The following STXBP2 variants were observed in gnomAD, a reference collection of about 807,000 sequenced individuals.
The protein encoded by STXBP2 is syntaxin-binding protein 2.
In STXBP2, 47 loss-of-function variants were observed where a neutral mutation model predicts 72.2. The observed-to-expected ratio is 0.65, with a 90% confidence interval of 0.51 to 0.83. STXBP2 has a LOEUF of 0.83. STXBP2 is among the 40% of genes least tolerant of loss of function. The pLI is 0.00. For missense variants in STXBP2, 702 were observed against 807.6 expected (o/e 0.87, Z 1.58); for synonymous variants, 367 against 338.7 (o/e 1.08, Z -0.92).
upstream of STXBP2, chr19:7,633,090 G>C: frequency 1.7e-6 from 2 of 1,195,952 alleles, no homozygotes; most frequent in Non-Finnish European, 2.3e-6. Context: ...AGGCTCCGAT[G>C]CGTGTCCCGC....
At chr19:7,630,053 T>A in the STXBP2 span, 2 of 573,964 alleles carry the variant, frequency 3.5e-6, no homozygotes, top group African/African-American at 4.1e-5. Context: ...GGATTTGGGC[T>A]TCTGGGTTTG....
chr19:7,631,208 CAAA>C, the STXBP2 span: 2 of 1,371,290 alleles, frequency 1.5e-6, no homozygotes, highest in Non-Finnish European at 1.9e-6. Flanking sequence ...GACTTTGTCT[CAAA>C]AAGAAACATT....
chr19:7,640,525 CGTGTGTATGT>C (rs1568465745), intron 4 of STXBP2, 196 bp from the exon 5 acceptor site: 3 of 671,616 alleles, frequency 4.5e-6, no homozygotes, highest in South Asian at 3.1e-5. Context: ...TGTGTGCATG[CGTGTGTATGT>C]GTGTGTGCGT....
chr19:7,641,497 G>C (rs533428363), intron 6 of STXBP2, among the ~76,000 whole-genome samples: 4 of 152,196 alleles, frequency 2.6e-5, no homozygotes, highest in Non-Finnish European at 5.9e-5. Flanking sequence ...GGGTTGTCCA[G>C]CCAGCTTAAG....
rs1220662685 is a variant in STXBP2 at position 7,645,100 on chromosome 19, A to G, written c.1247-97A>G. On this transcript the variant is annotated intron_variant, in intron 14 of 18. Transcript: ENST00000221283. ...GCCCTCCCCACTGCAAGGTTCTCTC[A>G]TCAGAGTCCTGGGAGCTCCTCAGCC... 3.4e-6 allele frequency: 5 copies of G among 1,477,360 alleles called. No homozygotes were observed. In the East Asian group the frequency reaches 1.2e-4, roughly 36 times the overall value. The allele number at this position is 1,477,360 out of a possible 1,614,324, so 91.5% of individuals were successfully genotyped here. A position where few individuals can be genotyped will look rare whatever the true frequency, so the allele number is the denominator to read the frequency against.
rs2031579417 is a variant in STXBP2, at chr19:7,637,230, C to G, written c.37+44C>G. The G allele has an allele frequency of 4.5e-6, 5 of 1,105,066 alleles. No individual in the cohort carries two copies. In the South Asian group the frequency reaches 1.3e-4, roughly 29 times the overall value. 68.5% of individuals were successfully genotyped at this position (1,105,066 alleles called of 1,614,324 possible). A position where few individuals can be genotyped will look rare whatever the true frequency, so the allele number is the denominator to read the frequency against. On this transcript the variant is annotated intron_variant, in intron 1 of 18. Transcript: ENST00000221283. ...CCGGGCTCTGGCGTCCGGTGTGGGACGGGGGTCGGGGACGCACGGGCTCTG... is the reference window on the plus strand; with the variant it reads ...CCGGGCTCTGGCGTCCGGTGTGGGAGGGGGGTCGGGGACGCACGGGCTCTG...
chr19:7,632,920 G>A (rs374588601), upstream of STXBP2: 38 of 1,499,762 alleles, frequency 2.5e-5, no homozygotes, highest in Non-Finnish European at 2.9e-5. The surrounding 1 kb of genome is among the most constrained non-coding windows in gnomAD (Gnocchi z 5.2). Context: ...CCCTGACCCC[G>A]GGGCCTGCCG....
chr19:7,636,089 T>G (rs931487812), upstream of STXBP2, among the ~76,000 whole-genome samples: 1 of 152,164 alleles, frequency 6.6e-6, no homozygotes, highest in African/African-American at 2.4e-5. Context: ...TGGCACTTGT[T>G]GTCACATTAG....
upstream of STXBP2, chr19:7,632,068 A>G (rs1363308487): frequency 1.1e-5 from 6 of 546,130 alleles, no homozygotes; most frequent in East Asian, 6.0e-5. The surrounding 1 kb of genome is among the most constrained non-coding windows in gnomAD (Gnocchi z 5.2). Context: ...ACAGATGTAT[A>G]TATCCTATGT....
At chr19:7,646,493 G>T in intron 16 of STXBP2, 149 bp downstream of exon 16, 3 of 793,514 alleles carry the variant, frequency 3.8e-6, no homozygotes, top group Admixed American at 2.0e-5. Flanking sequence ...GCTGAGGGGG[G>T]CACGCCAAGC....
At chr19:7,646,670 C>T in intron 16 of STXBP2, 1 of 457,052 alleles carries the variant, frequency 2.2e-6, no homozygotes, top group Non-Finnish European at 4.0e-6. Flanking sequence ...CAGCACCATC[C>T]AATGGCAATG....
the STXBP2 span, chr19:7,631,460 T>C: frequency 3.9e-6 from 6 of 1,533,142 alleles, no homozygotes; most frequent in African/African-American, 1.4e-5. Context: ...CCCACCCGCT[T>C]CTCCACCCCT....
At chr19:7,644,464 C>A in intron 13 of STXBP2, 150 bp from the exon 14 acceptor site, 2 of 1,038,832 alleles carry the variant, frequency 1.9e-6, no homozygotes, top group Non-Finnish European at 2.8e-6. Flanking sequence ...TGTCCCTGGA[C>A]AGGGGTGGGA....
chr19:7,641,391 T>A (rs896488446), intron 6 of STXBP2, among the ~76,000 whole-genome samples: 2 of 151,942 alleles, frequency 1.3e-5, no homozygotes, highest in Non-Finnish European at 1.5e-5. Flanking sequence ...TAAAGTAAAA[T>A]TTTAAAAAGG....
At chr19:7,646,941 G>A (rs1036801913) in intron 16 of STXBP2, 1 of 601,166 alleles carries the variant, frequency 1.7e-6, no homozygotes, top group Non-Finnish European at 3.0e-6. Flanking sequence ...TACCCAAGGA[G>A]TTATGGAATT....
chr19:7,645,260 T>A lies in STXBP2; in HGVS notation c.1310T>A (p.Leu437His). Residue 437 changes from leucine to histidine, a missense_variant, in exon 15 of 19, where the codon CTC becomes CAC. Physicochemically the swap from Leu to His is moderately conservative, Grantham distance 99. Transcript: ENST00000221283. The stretch of plus-strand genomic sequence containing the variant: ...GCCAATGTACAGGCGCACAGCAGCC[T>A]CATCCGTAACCTGGAGCAGCTGGGA... ...QHANVQAHSS[L>H]IRNLEQLGGT... The A allele has an allele frequency of 6.3e-7, 1 of 1,586,492 alleles. No homozygotes were observed. Among genetic ancestry groups the A allele is most frequent in the East Asian group, 2.3e-5 (1 of 43,654 alleles).
At chr19:7,643,975 G>A (rs1333711442) in intron 13 of STXBP2, among the ~76,000 whole-genome samples, 3 of 148,368 alleles carry the variant, frequency 2.0e-5, no homozygotes, top group Non-Finnish European at 4.5e-5. Context: ...GGTGAGGCAC[G>A]GGGCCTTGGA....
At chr19:7,637,051 G>C, upstream of STXBP2, 7 of 1,206,088 alleles carry the variant, frequency 5.8e-6, no homozygotes, top group Non-Finnish European at 7.3e-6. Flanking sequence ...CAGGGGGCGG[G>C]GACAGGGCCC....
At chr19:7,631,847 G>A in the STXBP2 span, 2 of 1,379,756 alleles carry the variant, frequency 1.4e-6, no homozygotes, top group African/African-American at 1.5e-5. Context: ...GAGGGCTCAA[G>A]GGCAGTGCCG....
Sources: gnomAD v4.1 joint callset for allele counts (sites outside exome capture counted in the v4.1 genomes callset) on GRCh38, gnomAD v4.1.1 for gene constraint, Gnocchi (gnomAD v3.1) non-coding constraint, MANE v1.5 for transcripts, NCBI Gene and HGNC (gene_info 2026-07-23, HGNC 2026-07-21) for gene names.